SDK1: variants seen among roughly 807,000 people sequenced by gnomAD.
The protein encoded by SDK1 is protein sidekick-1.
In SDK1, 157 loss-of-function variants were observed where a neutral mutation model predicts 245.5. The ratio of observed to expected loss-of-function variants is 0.64; its 90% CI spans 0.56 to 0.73. The LOEUF is 0.73. Ranked by LOEUF, SDK1 falls within the 30% of genes least tolerant of loss-of-function variation. The pLI is 0.00. For synonymous variants in SDK1, 1,647 were observed against 1,278.5 expected (o/e 1.29, Z -6.15); for missense variants, 3,583 against 3,002.3 (o/e 1.19, Z -4.52).
intron 1 of SDK1, among the ~76,000 whole-genome samples, chr7:3,441,641 G>A (rs2128588630): frequency 6.6e-6 from 1 of 152,218 alleles, no homozygotes; most frequent in Admixed American, 6.5e-5. Flanking sequence ...GGTATCATTA[G>A]CCTCCCAACT....
chr7:4,052,133 A>T, intron 19 of SDK1, among the ~76,000 whole-genome samples: 1 of 151,090 alleles, frequency 6.6e-6, no homozygotes. Context: ...CTTCATGTAG[A>T]GTTCAATTTC....
chr7:3,823,712 A>T (rs1258973895), intron 5 of SDK1, among the ~76,000 whole-genome samples: 1 of 152,158 alleles, frequency 6.6e-6, no homozygotes, highest in Non-Finnish European at 1.5e-5. Flanking sequence ...ACCAGGTAAA[A>T]ATGTGTAAAA....
intron 4 of SDK1, among the ~76,000 whole-genome samples, chr7:3,658,733 G>C (rs555906464): frequency 7.1e-4 from 107 of 150,694 alleles, no homozygotes; most frequent in Non-Finnish European, 1.4e-3. Flanking sequence ...TCATGTCTCA[G>C]CCTCCTGAGT....
At chr7:3,534,289 C>G (rs1422431385) in intron 1 of SDK1, among the ~76,000 whole-genome samples, 2 of 152,164 alleles carry the variant, frequency 1.3e-5, no homozygotes, top group Admixed American at 6.5e-5. Context: ...ACCCATTCAT[C>G]TGTCACCAGG....
At chr7:4,071,447 A>T (rs1780250537) in intron 20 of SDK1, among the ~76,000 whole-genome samples, 1 of 152,198 alleles carries the variant, frequency 6.6e-6, no homozygotes. Context: ...TCACTACTAG[A>T]ATTGGACACA....
At chr7:3,781,432 T>C (rs1430317654) in intron 4 of SDK1, among the ~76,000 whole-genome samples, 1 of 152,130 alleles carries the variant, frequency 6.6e-6, no homozygotes, top group Non-Finnish European at 1.5e-5. Context: ...ATAGTGGAAA[T>C]CTATTCCTGT....
intron 39 of SDK1, among the ~76,000 whole-genome samples, chr7:4,220,592 G>A (rs1316529316): frequency 7.0e-6 from 1 of 143,404 alleles, no homozygotes; most frequent in African/African-American, 2.6e-5. Context: ...AAATTTTAAA[G>A]TTTTCCAGGT....
chr7:3,690,477 C>T (rs1031379413), intron 4 of SDK1, among the ~76,000 whole-genome samples: 1 of 152,026 alleles, frequency 6.6e-6, no homozygotes, highest in East Asian at 1.9e-4. Context: ...TCAAATTTTT[C>T]GTGTAGGGAT....
At chr7:3,752,801 T>C (rs1236202074) in intron 4 of SDK1, among the ~76,000 whole-genome samples, 1 of 152,238 alleles carries the variant, frequency 6.6e-6, no homozygotes, top group Non-Finnish European at 1.5e-5. Context: ...TAAATGCTTA[T>C]TTGTTATTTC....
chr7:3,452,393 T>C (rs2128592018), intron 1 of SDK1, among the ~76,000 whole-genome samples: 1 of 152,320 alleles, frequency 6.6e-6, no homozygotes, highest in Middle Eastern at 3.4e-3. Flanking sequence ...ACCCTTCCAT[T>C]AAAAACAGAT....
intron 1 of SDK1, among the ~76,000 whole-genome samples, chr7:3,593,966 A>C: frequency 6.6e-6 from 1 of 152,206 alleles, no homozygotes; most frequent in East Asian, 1.9e-4. Context: ...TATAATTTAC[A>C]GCCATAGGGT....
At chr7:3,591,223 C>T (rs543877447) in intron 1 of SDK1, among the ~76,000 whole-genome samples, 1 of 152,222 alleles carries the variant, frequency 6.6e-6, no homozygotes, top group African/African-American at 2.4e-5. Context: ...TGTCAGATGG[C>T]AGTTAGTATA....
At chr7:3,323,729 T>G (rs1346604318) in intron 1 of SDK1, among the ~76,000 whole-genome samples, 1 of 152,250 alleles carries the variant, frequency 6.6e-6, no homozygotes, top group Admixed American at 6.5e-5. Flanking sequence ...CCACCTTAAT[T>G]ATTTCCCTGC....
intron 1 of SDK1, among the ~76,000 whole-genome samples, chr7:3,460,220 C>T (rs1263784585): frequency 7.2e-5 from 11 of 152,176 alleles, no homozygotes; most frequent in Non-Finnish European, 1.3e-4. Flanking sequence ...GAGCCAACTG[C>T]AGTACATGTG....
chr7:4,256,162 C>T lies in SDK1; in HGVS notation c.6382-8962C>T, dbSNP rs540148151. Among the ~76,000 whole-genome samples the T allele has an allele frequency of 6.6e-5, 10 of 152,248 alleles. No individual in the cohort carries two copies. In the East Asian group the frequency reaches 7.7e-4, roughly 12 times the overall value. ...CTCGAACTCCTGACCTCAAGTGATC[C>T]GCCTGCCTGGTCCTGTCAGAAGGCT... is the stretch of plus-strand genomic sequence containing the variant. On this transcript the variant is annotated intron_variant, in intron 44 of 44. Transcript: ENST00000404826.
chr7:3,306,462 A>G (rs781008544), intron 1 of SDK1, among the ~76,000 whole-genome samples: 1 of 152,228 alleles, frequency 6.6e-6, no homozygotes, highest in African/African-American at 2.4e-5. Flanking sequence ...TTTTATCTGC[A>G]CTGAAGTGTA....
At chr7:3,470,088 G>C (rs548104728) in intron 1 of SDK1, among the ~76,000 whole-genome samples, 200 of 152,230 alleles carry the variant, frequency 1.3e-3, no homozygotes, top group African/African-American at 4.5e-3. Context: ...AGATACTAGA[G>C]AGGGTCCATT....
intron 28 of SDK1, among the ~76,000 whole-genome samples, chr7:4,136,336 G>C (rs537357486): frequency 1.6e-4 from 25 of 152,318 alleles, no homozygotes; most frequent in African/African-American, 5.3e-4. Context: ...GGTGTTCACA[G>C]GGGAGAAAGC....
At chr7:3,444,790 T>G (rs562840634) in intron 1 of SDK1, among the ~76,000 whole-genome samples, 1 of 152,226 alleles carries the variant, frequency 6.6e-6, no homozygotes, top group Non-Finnish European at 1.5e-5. Context: ...GTTCCCTGTT[T>G]GCACAGATGA....
Sources: allele counts gnomAD v4.1 joint callset (sites outside exome capture counted in the v4.1 genomes callset), GRCh38; gene constraint gnomAD v4.1.1; transcripts MANE v1.5; gene names NCBI Gene and HGNC (gene_info 2026-07-23, HGNC 2026-07-21).